Variants in BANK1 observed in about 807,000 individuals in gnomAD.
BANK1 encodes B cell scaffold protein with ankyrin repeats 1.
BANK1 carries 95 observed loss-of-function variants against 94.5 expected under a neutral mutation model. The ratio of observed to expected loss-of-function variants is 1.00; its 90% confidence interval spans 0.85 to 1.19. The LOEUF is 1.19. BANK1 is among the 50% of genes most tolerant of loss of function. The pLI is 0.00. For missense variants in BANK1, 987 were observed against 932.2 expected (o/e 1.06, Z -0.77); for synonymous variants, 334 against 308.4 (o/e 1.08, Z -0.87).
chr4:101,952,355 T>G (rs1289350605), intron 7 of BANK1, among the ~76,000 whole-genome samples: 1 of 152,166 alleles, frequency 6.6e-6, no homozygotes, highest in Non-Finnish European at 1.5e-5. Flanking sequence ...TAAGCCTTTG[T>G]GTACTAGAAA....
At chr4:101,986,852 T>TATGTATATATATGTGTATATAG (rs1242057239) in intron 7 of BANK1, among the ~76,000 whole-genome samples, 22 of 71,100 alleles carry the variant, frequency 3.1e-4, no homozygotes, top group Non-Finnish European at 4.3e-4. Flanking sequence ...TGTGTATATA[T>TATGTATATATATGTGTATATAG]ATGTATATAT....
rs539803287 is a variant in BANK1 at position 102,021,262 on chromosome 4, C to T, written c.1207-252C>T. Among the ~76,000 whole-genome samples, 5 of 152,132 alleles carry T rather than the reference C, an allele frequency of 3.3e-5. No homozygotes were observed. In the South Asian group the frequency reaches 8.3e-4, roughly 25 times the overall value. ...CACTTAAACTTAACGATTATTGCCT[C>T]CTTTGCATCTTAAAGCTATTTCAAT... is the stretch of plus-strand genomic sequence containing the variant. On this transcript the variant is annotated intron_variant, in intron 7 of 16. Coordinates refer to ENST00000322953, the MANE Select transcript of BANK1 (RefSeq NM_017935.5).
chr4:102,043,251 T>C (rs1284713429), intron 10 of BANK1, among the ~76,000 whole-genome samples: 1 of 147,040 alleles, frequency 6.8e-6, no homozygotes, highest in Non-Finnish European at 1.5e-5. Flanking sequence ...GGGTGAGTAA[T>C]GCTGACTTGT....
chr4:101,794,648 G>A (rs80241059), intron 1 of BANK1, among the ~76,000 whole-genome samples: 93,154 of 151,518 alleles, frequency 0.61, 29,273 homozygotes, highest in African/African-American at 0.75. Context: ...AATAGTCCCA[G>A]TGGTGGAAAT....
intron 7 of BANK1, among the ~76,000 whole-genome samples, chr4:102,012,566 A>T (rs1287181795): frequency 6.6e-6 from 1 of 152,156 alleles, no homozygotes; most frequent in Non-Finnish European, 1.5e-5. Context: ...CTTTTGTTTC[A>T]TTTGTCAAAT....
intron 5 of BANK1, among the ~76,000 whole-genome samples, chr4:101,889,705 C>T (rs1721778943): frequency 7.6e-6 from 1 of 131,010 alleles, no homozygotes; most frequent in African/African-American, 2.9e-5. Context: ...ACTTTTTGTT[C>T]TCTTGTTCTG....
chr4:102,026,218 T>A (rs78894076), intron 9 of BANK1, among the ~76,000 whole-genome samples: 6,207 of 152,262 alleles, frequency 0.041, 167 homozygotes, highest in East Asian at 0.11. Flanking sequence ...TTTATCTGCC[T>A]GGAGTGTTCA....
At chr4:101,830,763 T>C (rs1157464002) in intron 2 of BANK1, among the ~76,000 whole-genome samples, 5 of 152,234 alleles carry the variant, frequency 3.3e-5, no homozygotes, top group Non-Finnish European at 7.3e-5. Flanking sequence ...TTTATTCTGC[T>C]AGGTGTGAAA....
intron 2 of BANK1, among the ~76,000 whole-genome samples, chr4:101,850,048 G>C (rs1314669740): frequency 6.6e-6 from 1 of 152,168 alleles, no homozygotes; most frequent in Non-Finnish European, 1.5e-5. Flanking sequence ...TCTACAAATA[G>C]TTTTAAATGT....
Position 101,875,932 on chromosome 4 carries a change from G to A in BANK1, c.903+5288G>A, listed in dbSNP as rs10028474. On this transcript the variant is annotated intron_variant, in intron 5 of 16. Coordinates refer to ENST00000322953, the MANE Select transcript of BANK1 (RefSeq NM_017935.5). ...TGAAACACAAGCTGGAGTGGCTAAA[G>A]GAGTGACGGTATCACCCCTCTCCTA... Among the ~76,000 whole-genome samples, 130 of 152,250 alleles carry A rather than the reference G, an allele frequency of 8.5e-4. 1 individual carries two copies. The highest frequency in any genetic ancestry group is 3.0e-3 in the African/African-American group (124 of 41,538).
Position 101,829,933 on chromosome 4 carries a change from T to C in BANK1, c.196T>C (p.Ser66Pro). 6.2e-7 allele frequency: 1 copy of C among 1,614,028 alleles called. No individual in the cohort carries two copies. The highest frequency in any genetic ancestry group is 8.5e-7 in the Non-Finnish European group (1 of 1,179,940). The change falls in exon 2 of 17, where the codon TCT becomes CCT. Residue 66 changes from serine (S) to proline (P), a missense_variant. Coordinates refer to ENST00000322953, the MANE Select transcript of BANK1 (RefSeq NM_017935.5). ...AILLYRLENF[S>P]FRHLELLNLT... ...CCTGTTATATCGCTTGGAGAATTTCTCTTTTCGGCATTTGGAGTTGCTGAA... is the reference window on the plus strand; with the variant it reads ...CCTGTTATATCGCTTGGAGAATTTCCCTTTTCGGCATTTGGAGTTGCTGAA...
intron 7 of BANK1, among the ~76,000 whole-genome samples, chr4:101,926,985 C>T (rs189325813): frequency 1.3e-5 from 2 of 151,756 alleles, no homozygotes; most frequent in Admixed American, 1.3e-4. Context: ...ATCTGTAGGG[C>T]TGTATAGGTA....
chr4:101,806,102 A>T (rs1173959558), intron 1 of BANK1, among the ~76,000 whole-genome samples: 1 of 151,918 alleles, frequency 6.6e-6, no homozygotes, highest in Non-Finnish European at 1.5e-5. Flanking sequence ...CTTTTTCTAA[A>T]ATAATACATG....
At chr4:102,047,631 G>A (rs1727924286) in intron 11 of BANK1, among the ~76,000 whole-genome samples, 2 of 151,934 alleles carry the variant, frequency 1.3e-5, no homozygotes, top group South Asian at 4.2e-4. Flanking sequence ...GGAGATTTTT[G>A]GGAGAAAAAT....
intron 1 of BANK1, among the ~76,000 whole-genome samples, chr4:101,828,383 T>TTATTTATATATATATATA (rs1360582658): frequency 7.0e-6 from 1 of 142,126 alleles, no homozygotes; most frequent in African/African-American, 2.6e-5. Context: ...ATGAGTGAAT[T>TTATTTATATATATATATA]TATATATATA....
chr4:102,024,908 A>T (rs1382249155), intron 8 of BANK1, among the ~76,000 whole-genome samples: 1 of 152,182 alleles, frequency 6.6e-6, no homozygotes, highest in Non-Finnish European at 1.5e-5. Flanking sequence ...TATCAAATAT[A>T]TGAATTTGTT....
At position 101,959,144 on chromosome 4, in the gene BANK1, G is replaced by GTT. The variant is rs11419464; in HGVS notation, c.1206+40964_1206+40965dup. Among the ~76,000 whole-genome samples the GTT allele has an allele frequency of 9.9e-3, 1,478 of 148,734 alleles. 13 individuals carry two copies. The highest frequency in any genetic ancestry group is 0.025 in the African/African-American group (1,007 of 40,620). On this transcript the variant is annotated intron_variant, in intron 7 of 16. Coordinates refer to ENST00000322953, the MANE Select transcript of BANK1 (RefSeq NM_017935.5). ...CCTAGAGAGTAGTTTGTTTGTTTTT[G>GTT]TTTTTTTTTTGAGACAGAGTCTCAC...
intron 1 of BANK1, among the ~76,000 whole-genome samples, chr4:101,807,680 T>C (rs1725603057): frequency 6.6e-6 from 1 of 152,184 alleles, no homozygotes. Flanking sequence ...ATTCTCACAC[T>C]GATTCCATAG....
chr4:102,058,602 C>T (rs1181203953), intron 11 of BANK1, among the ~76,000 whole-genome samples: 3 of 151,156 alleles, frequency 2.0e-5, no homozygotes, highest in African/African-American at 7.3e-5. Context: ...ACTTGTATAC[C>T]CTTAGAATAA....
Sources: allele counts gnomAD v4.1 joint callset (sites outside exome capture counted in the v4.1 genomes callset), GRCh38; gene constraint gnomAD v4.1.1; transcripts MANE v1.5; gene names NCBI Gene and HGNC (gene_info 2026-07-23, HGNC 2026-07-21).